Variants in RAB38 observed in about 807,000 individuals in gnomAD.
RAB38 encodes RAB38, member RAS oncogene family, also known as ras-related protein Rab-38.
In RAB38, 15 loss-of-function variants were observed where a neutral mutation model predicts 18.4. The ratio of observed to expected loss-of-function variants is 0.82; its 90% CI spans 0.55 to 1.26. The LOEUF (loss-of-function observed/expected upper bound fraction) is 1.26. Ranked by LOEUF, RAB38 falls within the 50% of genes most tolerant of loss-of-function variation. The pLI is 0.00. For missense variants in RAB38, 294 were observed against 267.4 expected (o/e 1.10, Z -0.69); for synonymous variants, 101 against 104.4 (o/e 0.97, Z 0.20).
chr11:88,045,272 T>C, the RAB38 span, among the ~76,000 whole-genome samples: 1 of 151,902 alleles, frequency 6.6e-6, no homozygotes, highest in Non-Finnish European at 1.5e-5. Context: ...CAACAGGACT[T>C]AATTAAACTC....
At chr11:88,011,677 A>T in the RAB38 span, among the ~76,000 whole-genome samples, 1 of 152,182 alleles carries the variant, frequency 6.6e-6, no homozygotes, top group Non-Finnish European at 1.5e-5. Context: ...CACATATTAG[A>T]TATTCATCTA....
At chr11:87,853,515 A>G in the RAB38 span, among the ~76,000 whole-genome samples, 5 of 152,286 alleles carry the variant, frequency 3.3e-5, no homozygotes, top group South Asian at 8.3e-4. Flanking sequence ...AGAAATGTCT[A>G]TTGTTTAGGC....
chr11:88,024,793 T>C, the RAB38 span, among the ~76,000 whole-genome samples: 53 of 152,268 alleles, frequency 3.5e-4, no homozygotes, highest in Non-Finnish European at 6.6e-4. Context: ...CACTTACTTA[T>C]GGGATCTAAA....
the RAB38 span, among the ~76,000 whole-genome samples, chr11:88,090,858 C>G: frequency 6.6e-6 from 1 of 151,960 alleles, no homozygotes; most frequent in Non-Finnish European, 1.5e-5. Flanking sequence ...TAGTGAACTC[C>G]AAAGGCCTGG....
the RAB38 span, among the ~76,000 whole-genome samples, chr11:88,024,283 G>A: frequency 1.3e-5 from 2 of 152,000 alleles, no homozygotes; most frequent in Non-Finnish European, 2.9e-5. Context: ...GATATGAAAA[G>A]GTGCTCAACA....
the RAB38 span, among the ~76,000 whole-genome samples, chr11:87,846,461 C>G: frequency 6.6e-6 from 1 of 151,840 alleles, no homozygotes; most frequent in African/African-American, 2.4e-5. Flanking sequence ...GCTAATATCA[C>G]AGAAAATAAG....
the RAB38 span, among the ~76,000 whole-genome samples, chr11:87,884,158 T>A: frequency 6.6e-6 from 1 of 152,110 alleles, no homozygotes. Flanking sequence ...TTAGATTAGA[T>A]ACCTGTAGGT....
chr11:87,968,605 G>A, the RAB38 span, among the ~76,000 whole-genome samples: 1 of 152,154 alleles, frequency 6.6e-6, no homozygotes, highest in Admixed American at 6.6e-5. Context: ...TACACAAGGA[G>A]ATAAGGAGCT....
chr11:88,119,645 C>T (rs1218257888), intron 2 of RAB38, among the ~76,000 whole-genome samples: 3 of 149,968 alleles, frequency 2.0e-5, no homozygotes, highest in East Asian at 3.9e-4. Context: ...AGTATTTAAT[C>T]TTTGACCCCC....
At chr11:87,851,407 C>T in the RAB38 span, among the ~76,000 whole-genome samples, 9 of 152,176 alleles carry the variant, frequency 5.9e-5, no homozygotes, top group African/African-American at 2.2e-4. Context: ...TTTTTCCCCA[C>T]CATTTTCAGA....
At chr11:88,009,076 T>C in the RAB38 span, among the ~76,000 whole-genome samples, 1 of 152,180 alleles carries the variant, frequency 6.6e-6, no homozygotes, top group African/African-American at 2.4e-5. Flanking sequence ...CATGAAAATT[T>C]TGAACATCAA....
chr11:87,812,331 T>C, the RAB38 span, among the ~76,000 whole-genome samples: 2 of 152,192 alleles, frequency 1.3e-5, no homozygotes, highest in African/African-American at 2.4e-5. Flanking sequence ...TTACTGATGA[T>C]TAAATCACTT....
At chr11:87,870,029 G>A in the RAB38 span, among the ~76,000 whole-genome samples, 1 of 151,558 alleles carries the variant, frequency 6.6e-6, no homozygotes, top group Non-Finnish European at 1.5e-5. Context: ...CTTAAATTAT[G>A]TAATATTGTT....
the RAB38 span, among the ~76,000 whole-genome samples, chr11:87,977,619 T>C: frequency 1.7e-5 from 2 of 118,290 alleles, no homozygotes; most frequent in Non-Finnish European, 1.6e-5. Flanking sequence ...TATATAATTA[T>C]GTAATTGTAT....
At chr11:87,868,603 GA>G in the RAB38 span, among the ~76,000 whole-genome samples, 3 of 72,980 alleles carry the variant, frequency 4.1e-5, no homozygotes, top group Admixed American at 1.3e-4. Context: ...GAGAGAGAGA[GA>G]GAGAGAGAGA....
chr11:88,008,971 G>A, the RAB38 span, among the ~76,000 whole-genome samples: 3 of 151,910 alleles, frequency 2.0e-5, no homozygotes, highest in African/African-American at 7.2e-5. Flanking sequence ...TGTGCCCGGC[G>A]GAAATAACAG....
At chr11:88,155,787 G>A (rs1172435401) in intron 1 of RAB38, among the ~76,000 whole-genome samples, 4 of 152,152 alleles carry the variant, frequency 2.6e-5, no homozygotes, top group Non-Finnish European at 4.4e-5. Flanking sequence ...AACGTCTAAA[G>A]CAGTCCAGAA....
At chr11:88,055,962 A>G in the RAB38 span, among the ~76,000 whole-genome samples, 1 of 152,062 alleles carries the variant, frequency 6.6e-6, no homozygotes, top group Non-Finnish European at 1.5e-5. Flanking sequence ...TTTGCTTTTG[A>G]GGGCCCTCAT....
chr11:87,900,811 CAAA>C, the RAB38 span, among the ~76,000 whole-genome samples: 1 of 147,178 alleles, frequency 6.8e-6, no homozygotes, highest in African/African-American at 2.5e-5. Context: ...AGAAATAAAG[CAAA>C]AAAGGAAAGA....
Sources: allele counts gnomAD v4.1 joint callset (sites outside exome capture counted in the v4.1 genomes callset), GRCh38; gene constraint gnomAD v4.1.1; transcripts MANE v1.5; gene names NCBI Gene and HGNC (gene_info 2026-07-23, HGNC 2026-07-21).